Variants in FBLN2 observed in about 807,000 individuals in gnomAD.
The protein encoded by FBLN2 is fibulin-2.
In FBLN2, 81 loss-of-function variants were observed where a neutral mutation model predicts 123.7. That is an observed-to-expected ratio of 0.65 (90% confidence interval 0.55 to 0.79). FBLN2 has a LOEUF of 0.79. Among genes scored for constraint, FBLN2 ranks in the 30% least tolerant of loss-of-function variants. The pLI is 0.00. For synonymous variants in FBLN2, 699 were observed against 701.4 expected (o/e 1.00, Z 0.05); for missense variants, 1,603 against 1,681.3 (o/e 0.95, Z 0.81).
chr3:13,551,033 C>T (rs1056476003), intron 1 of FBLN2, among the ~76,000 whole-genome samples: 1 of 152,232 alleles, frequency 6.6e-6, no homozygotes, highest in African/African-American at 2.4e-5. Flanking sequence ...TGCCCACCCC[C>T]AACCCAGGGG....
At chr3:13,578,702 A>G (rs949821538) in intron 2 of FBLN2, among the ~76,000 whole-genome samples, 1 of 152,196 alleles carries the variant, frequency 6.6e-6, no homozygotes, top group Non-Finnish European at 1.5e-5. Context: ...TCTTGGGAAC[A>G]TATCTAGGAG....
intron 2 of FBLN2, among the ~76,000 whole-genome samples, chr3:13,573,440 C>G (rs1704028279): frequency 6.6e-6 from 1 of 152,164 alleles, no homozygotes; most frequent in African/African-American, 2.4e-5. Context: ...CACTTCACTC[C>G]TCAGCTCGTA....
chr3:13,563,190 A>G (rs550911419), intron 1 of FBLN2, among the ~76,000 whole-genome samples: 1 of 152,348 alleles, frequency 6.6e-6, no homozygotes, highest in South Asian at 2.1e-4. Context: ...TTCTAGGATC[A>G]GGCTGTCTTC....
intron 1 of FBLN2, among the ~76,000 whole-genome samples, chr3:13,551,577 C>A (rs1276795502): frequency 2.0e-5 from 3 of 152,208 alleles, no homozygotes; most frequent in African/African-American, 7.2e-5. Context: ...CTCTTTGCCC[C>A]TCTTACTGAG....
At chr3:13,614,597 T>TCCATCCATCCAC (rs1705519924) in intron 5 of FBLN2, among the ~76,000 whole-genome samples, 1 of 110,618 alleles carries the variant, frequency 9.0e-6, no homozygotes, top group South Asian at 2.8e-4. Context: ...CATCCATCCA[T>TCCATCCATCCAC]CCATCCATCC....
Position 13,630,681 on chromosome 3 carries a change from C to G in FBLN2, c.2969-18C>G. On this transcript the variant is annotated intron_variant, in intron 14 of 17. Transcript: ENST00000404922. ...CAGACTTGGGCCCTGCCATGACTGC[C>G]TGCTGGTGTCCCTGCAGACGTGAAT... 1 of 1,577,704 alleles carries G rather than the reference C, an allele frequency of 6.3e-7. No homozygotes were observed. The highest frequency in any genetic ancestry group is 8.6e-7 in the Non-Finnish European group (1 of 1,159,332).
At chr3:13,581,068 G>C (rs1035584706) in intron 2 of FBLN2, among the ~76,000 whole-genome samples, 4 of 152,176 alleles carry the variant, frequency 2.6e-5, no homozygotes, top group Admixed American at 2.6e-4. Context: ...GAAACACACA[G>C]GTGTTTAATT....
chr3:13,557,670 G>T (rs1346508019), intron 1 of FBLN2, among the ~76,000 whole-genome samples: 1 of 152,264 alleles, frequency 6.6e-6, no homozygotes, highest in Non-Finnish European at 1.5e-5. Context: ...ACTGGGTCGT[G>T]TGACTGCTCT....
intron 9 of FBLN2, among the ~76,000 whole-genome samples, chr3:13,624,151 C>T (rs898672967): frequency 3.3e-5 from 5 of 152,200 alleles, no homozygotes; most frequent in Non-Finnish European, 2.9e-5. Flanking sequence ...ATGATGGGTA[C>T]AAGGGTACAG....
At chr3:13,614,901 TATCCATCCATCCATCCATCC>T (rs113294664) in intron 5 of FBLN2, among the ~76,000 whole-genome samples, 65 of 139,702 alleles carry the variant, frequency 4.7e-4, no homozygotes, top group Middle Eastern at 4.5e-3. Flanking sequence ...TCTATTCATC[TATCCATCCATCCATCCATCC>T]ATCCATCCAT....
intron 2 of FBLN2, among the ~76,000 whole-genome samples, chr3:13,606,198 C>T (rs1705198520): frequency 6.6e-6 from 1 of 152,202 alleles, no homozygotes; most frequent in Admixed American, 6.5e-5. Flanking sequence ...CACATCTGGC[C>T]TAAGGAGTAT....
chr3:13,604,602 A>T (rs1267970806), intron 2 of FBLN2, among the ~76,000 whole-genome samples: 3 of 152,176 alleles, frequency 2.0e-5, no homozygotes, highest in Non-Finnish European at 4.4e-5. Context: ...TGCATTTGCT[A>T]GTATCTCCAG....
At chr3:13,598,997 C>T (rs1377541492) in intron 2 of FBLN2, among the ~76,000 whole-genome samples, 2 of 152,208 alleles carry the variant, frequency 1.3e-5, no homozygotes, top group Non-Finnish European at 2.9e-5. Flanking sequence ...ACAGCGTGTG[C>T]AAAGGCGTAG....
intron 4 of FBLN2, 29 bp downstream of exon 4, chr3:13,609,671 G>T: frequency 1.3e-6 from 2 of 1,532,254 alleles, no homozygotes; most frequent in East Asian, 2.5e-5. Flanking sequence ...CTTCAAGGCA[G>T]GGTGGGGTGG....
At chr3:13,573,400 G>A (rs1318274735) in intron 2 of FBLN2, among the ~76,000 whole-genome samples, 1 of 152,058 alleles carries the variant, frequency 6.6e-6, no homozygotes, top group Non-Finnish European at 1.5e-5. Flanking sequence ...TGACCCCCAG[G>A]AGGAGTCAGA....
chr3:13,568,787 C>G, intron 1 of FBLN2: 1 of 985,706 alleles, frequency 1.0e-6, no homozygotes, highest in Non-Finnish European at 1.2e-6. Context: ...GCCTGGCGTT[C>G]AGTTCTCTAC....
intron 1 of FBLN2, among the ~76,000 whole-genome samples, chr3:13,560,397 C>T (rs977208578): frequency 1.3e-5 from 2 of 152,188 alleles, no homozygotes; most frequent in Non-Finnish European, 2.9e-5. Context: ...GTACCCTAAG[C>T]CCCACCTGCG....
Position 13,614,074 on chromosome 3 carries a change from CAT to C in FBLN2, c.1640_1641del (p.His547ArgfsTer7). On this transcript the variant is annotated frameshift_variant, in exon 5 of 18. Coordinates refer to ENST00000404922, the MANE Select transcript of FBLN2 (RefSeq NM_001004019.2). LOFTEE classifies it high-confidence loss of function. Reference sequence around the variant, plus strand: ...TCCTAACCTGGGCTATCCCTGCAATCATGTCATGCTCTCCTGCTGTGAGGGTG... The same window carrying C: ...TCCTAACCTGGGCTATCCCTGCAATCGTCATGCTCTCCTGCTGTGAGGGTG... ...SNPNLGYPCN[H>X]VMLSCCEGEE... 1 of 1,613,824 alleles carries C rather than the reference CAT, an allele frequency of 6.2e-7. No homozygotes were observed. The highest frequency in any genetic ancestry group is 8.5e-7 in the Non-Finnish European group (1 of 1,179,890).
intron 16 of FBLN2, among the ~76,000 whole-genome samples, chr3:13,635,794 C>A (rs997389011): frequency 6.6e-6 from 1 of 152,200 alleles, no homozygotes; most frequent in Non-Finnish European, 1.5e-5. Context: ...AAGACAAACA[C>A]CCCTGCCCTC....
Sources: gnomAD v4.1 joint callset for allele counts (sites outside exome capture counted in the v4.1 genomes callset) on GRCh38, gnomAD v4.1.1 for gene constraint, MANE v1.5 for transcripts, NCBI Gene and HGNC (gene_info 2026-07-23, HGNC 2026-07-21) for gene names.